The following DPY30 variants were observed in gnomAD, a reference collection of about 807,000 sequenced individuals.
DPY30 encodes dpy-30 histone methyltransferase complex regulatory subunit.
In DPY30, 6 loss-of-function variants were observed where a neutral mutation model predicts 16.2. The ratio of observed to expected loss-of-function variants is 0.37; its 90% CI spans 0.20 to 0.73. The LOEUF (loss-of-function observed/expected upper bound fraction) is 0.73. DPY30 is among the 30% of genes least tolerant of loss of function. DPY30 has a pLI of 0.51. For missense variants in DPY30, 73 were observed against 113.1 expected (o/e 0.65, Z 1.61); for synonymous variants, 39 against 38.8 (o/e 1.00, Z -0.02).
At chr2:32,015,386 A>C (rs747661854) in intron 5 of DPY30, among the ~76,000 whole-genome samples, 4 of 152,214 alleles carry the variant, frequency 2.6e-5, no homozygotes, top group Non-Finnish European at 5.9e-5. Context: ...AACAGTATTT[A>C]TTAAATACTG....
rs1343600641 is a variant in DPY30 at position 32,024,119 on chromosome 2, T to A, written c.*65A>T. The A allele has an allele frequency of 9.5e-6, 15 of 1,572,288 alleles. No individual in the cohort carries two copies. The highest frequency in any genetic ancestry group is 1.3e-5 in the Non-Finnish European group (15 of 1,159,070). Reference sequence around the variant, plus strand: ...AAAAAGAGGGAATGATCATGGCAATTAAAGCTGCCTCTTAATCATGTAAAT... The same window carrying A: ...AAAAAGAGGGAATGATCATGGCAATAAAAGCTGCCTCTTAATCATGTAAAT... On this transcript the variant is annotated 3_prime_UTR_variant, in exon 5 of 5. Coordinates refer to ENST00000342166, the MANE Select transcript of DPY30 (RefSeq NM_001321209.2).
At chr2:32,016,019 CT>C (rs761793533) in intron 5 of DPY30, among the ~76,000 whole-genome samples, 4 of 152,100 alleles carry the variant, frequency 2.6e-5, no homozygotes, top group Non-Finnish European at 4.4e-5. Flanking sequence ...CTGCCTCAGC[CT>C]CCCGGGTAGC....
chr2:32,012,199 C>G (rs1674950883), intron 5 of DPY30: 1 of 152,154 alleles, frequency 6.6e-6, no homozygotes, highest in African/African-American at 2.4e-5. Context: ...CTCCCACCTT[C>G]TCCAACTTCA....
chr2:32,039,362 C>G (rs770977458), intron 2 of DPY30, 36 bp from the exon 3 acceptor site: 2 of 1,614,100 alleles, frequency 1.2e-6, no homozygotes, highest in Non-Finnish European at 1.7e-6. Flanking sequence ...AGATATAAGT[C>G]CCCCCTTTCT....
chr2:32,039,769 C>T lies in DPY30; in HGVS notation c.-73G>A, dbSNP rs1444438662. On this transcript the variant is annotated 5_prime_UTR_variant, in exon 1 of 5. Transcript: ENST00000342166. Reference sequence around the variant, plus strand: ...CCGTTCGTTCTTAAGAGCCCTGCACCGCGCCACCAGCTCCCAGCACAAACA... The same window carrying T: ...CCGTTCGTTCTTAAGAGCCCTGCACTGCGCCACCAGCTCCCAGCACAAACA... 2.2e-6 allele frequency: 1 copy of T among 447,358 alleles called. No homozygotes were observed. The highest frequency in any genetic ancestry group is 4.1e-6 in the Non-Finnish European group (1 of 246,274). 27.7% of individuals were successfully genotyped at this position (447,358 alleles called of 1,614,324 possible). A position where few individuals can be genotyped will look rare whatever the true frequency, so the allele number is the denominator to read the frequency against.
intron 3 of DPY30, among the ~76,000 whole-genome samples, chr2:32,037,306 A>G (rs544688811): frequency 2.6e-5 from 4 of 152,082 alleles, no homozygotes; most frequent in Admixed American, 6.6e-5. Context: ...TTTAAAGTAC[A>G]TATCTTTTTT....
chr2:32,022,358 G>GT (rs1354645618), downstream of DPY30, among the ~76,000 whole-genome samples: 1 of 152,000 alleles, frequency 6.6e-6, no homozygotes. Flanking sequence ...GAAGATCCCA[G>GT]TATGTCCAGG....
At position 32,024,126 on chromosome 2, in the gene DPY30, G is replaced by T; in HGVS notation, c.*58C>A. 6.3e-7 allele frequency: 1 copy of T among 1,579,900 alleles called. No homozygotes were observed. Among genetic ancestry groups the T allele is most frequent in the East Asian group, 2.3e-5 (1 of 43,806 alleles). ...GGGAATGATCATGGCAATTAAAGCT[G>T]CCTCTTAATCATGTAAATCTACAGT... On this transcript the variant is annotated 3_prime_UTR_variant, in exon 5 of 5. Transcript: ENST00000342166.
intron 5 of DPY30, among the ~76,000 whole-genome samples, chr2:32,018,429 G>C (rs369820996): frequency 2.1e-4 from 32 of 152,170 alleles, no homozygotes; most frequent in African/African-American, 7.7e-4. Context: ...ATATTTTTAA[G>C]TTTAAAAAAA....
intron 4 of DPY30, among the ~76,000 whole-genome samples, chr2:32,027,243 C>T (rs1358459719): frequency 4.4e-5 from 6 of 135,052 alleles, no homozygotes; most frequent in African/African-American, 1.7e-4. Context: ...CCACTGCATT[C>T]GAGCCTGGGC....
chr2:32,037,322 T>C (rs899553110), intron 3 of DPY30, among the ~76,000 whole-genome samples: 78 of 152,262 alleles, frequency 5.1e-4, no homozygotes, highest in African/African-American at 1.8e-3. Context: ...TTTTTGCTTT[T>C]GAGACAAGGT....
chr2:32,024,180 T>C lies in DPY30; in HGVS notation c.*4A>G. On this transcript the variant is annotated 3_prime_UTR_variant, in exon 5 of 5. Transcript: ENST00000342166. ...AACTAAATTTTTCTGTTCTTCCCAT[T>C]AAGTCAGTTTCGATCTTCAAACTGT... The C allele has an allele frequency of 6.2e-7, 1 of 1,611,154 alleles. No homozygotes were observed. Among genetic ancestry groups the C allele is most frequent in the Non-Finnish European group, 8.5e-7 (1 of 1,178,566 alleles).
intron 3 of DPY30, among the ~76,000 whole-genome samples, chr2:32,032,481 A>G (rs546253071): frequency 1.9e-4 from 29 of 152,328 alleles, no homozygotes; most frequent in African/African-American, 6.7e-4. Flanking sequence ...TGATCACAAC[A>G]AAGACAATGC....
At chr2:32,037,561 CTTT>C (rs113001007) in intron 3 of DPY30, among the ~76,000 whole-genome samples, 1 of 144,270 alleles carries the variant, frequency 6.9e-6, no homozygotes, top group Admixed American at 7.0e-5. Context: ...GCCCAGACAA[CTTT>C]TTTTTTTTTT....
chr2:32,014,055 G>A (rs1675018535), intron 5 of DPY30, among the ~76,000 whole-genome samples: 1 of 148,744 alleles, frequency 6.7e-6, no homozygotes, highest in Non-Finnish European at 1.5e-5. Context: ...GGAGGGGAGG[G>A]AGGAAGGGAA....
downstream of DPY30, among the ~76,000 whole-genome samples, chr2:32,021,728 T>C (rs529257408): frequency 1.3e-5 from 2 of 151,674 alleles, no homozygotes; most frequent in East Asian, 3.9e-4. Context: ...TTGGGTCATG[T>C]TCACCAGGTG....
intron 3 of DPY30, among the ~76,000 whole-genome samples, chr2:32,031,749 T>G (rs895139251): frequency 6.6e-6 from 1 of 151,554 alleles, no homozygotes; most frequent in African/African-American, 2.4e-5. Flanking sequence ...AAAAATTAGC[T>G]GGACGTAGTA....
At chr2:32,038,370 G>C (rs1029142982) in intron 3 of DPY30, among the ~76,000 whole-genome samples, 1 of 132,024 alleles carries the variant, frequency 7.6e-6, no homozygotes, top group African/African-American at 2.8e-5. Context: ...CAAAGTGCTG[G>C]GATTACAAGG....
intron 3 of DPY30, among the ~76,000 whole-genome samples, chr2:32,033,811 C>T (rs1675633793): frequency 6.6e-6 from 1 of 152,230 alleles, no homozygotes; most frequent in South Asian, 2.1e-4. Flanking sequence ...CTCAATTTCA[C>T]TTGTCAAAAT....
Sources: allele counts gnomAD v4.1 joint callset (sites outside exome capture counted in the v4.1 genomes callset), GRCh38; gene constraint gnomAD v4.1.1; transcripts MANE v1.5; gene names NCBI Gene and HGNC (gene_info 2026-07-23, HGNC 2026-07-21).